Variants in INPP4B observed in about 807,000 individuals in gnomAD.
INPP4B encodes the protein inositol polyphosphate 4-phosphatase type II.
Under a neutral mutation model 122.5 loss-of-function variants are expected in INPP4B, and 55 were observed. The ratio of observed to expected loss-of-function variants is 0.45; its 90% CI spans 0.36 to 0.56. INPP4B has a LOEUF of 0.56. INPP4B is among the 20% of genes least tolerant of loss of function. INPP4B has a pLI of 0.00. For missense variants in INPP4B, 1,000 were observed against 1,097.7 expected (o/e 0.91, Z 1.26); for synonymous variants, 403 against 388.7 (o/e 1.04, Z -0.43).
intron 2 of INPP4B, among the ~76,000 whole-genome samples, chr4:142,704,115 G>C (rs1762166150): frequency 6.6e-6 from 1 of 152,158 alleles, no homozygotes; most frequent in Non-Finnish European, 1.5e-5. Context: ...CAACGGGATG[G>C]CAAGATAAGG....
At position 142,208,973 on chromosome 4, in the gene INPP4B, C is replaced by T. The variant is rs769344936; in HGVS notation, c.890G>A (p.Arg297Gln). The change falls in exon 13 of 26, where the codon CGA becomes CAA. Residue 297 changes from arginine to glutamine, a missense_variant. By Grantham distance (43) the Arg-to-Gln change is conservative. Transcript: ENST00000262992. Reference sequence around the variant, plus strand: ...ATCACAGTGAGTAAGGACATTTTTTCGCAGATTGTCCCAATGTGGAGAAAG... The same window carrying T: ...ATCACAGTGAGTAAGGACATTTTTTTGCAGATTGTCCCAATGTGGAGAAAG... ...GELSPHWDNL[R>Q]KNVLTHCDQM... 5.6e-6 allele frequency: 9 copies of T among 1,605,308 alleles called. No individual in the cohort carries two copies. The highest frequency in any genetic ancestry group is 1.7e-4 in the Middle Eastern group (1 of 6,010).
intron 1 of INPP4B, among the ~76,000 whole-genome samples, chr4:142,786,440 TA>T (rs1274981464): frequency 6.6e-5 from 10 of 152,096 alleles, no homozygotes; most frequent in Non-Finnish European, 1.5e-5. Context: ...AATGACTTAA[TA>T]AATTAATAAA....
chr4:142,506,442 G>A (rs1824034594), intron 2 of INPP4B, among the ~76,000 whole-genome samples: 1 of 152,138 alleles, frequency 6.6e-6, no homozygotes, highest in African/African-American at 2.4e-5. Context: ...GAAGAAAGAA[G>A]GGTTAGGCTT....
chr4:142,185,757 T>C (rs1298583526), intron 15 of INPP4B, among the ~76,000 whole-genome samples: 2 of 151,670 alleles, frequency 1.3e-5, no homozygotes, highest in Non-Finnish European at 2.9e-5. Flanking sequence ...CAGGTGCCTG[T>C]AGTCCCAGCT....
chr4:142,129,269 C>G (rs1320821214), intron 18 of INPP4B, among the ~76,000 whole-genome samples: 1 of 152,066 alleles, frequency 6.6e-6, no homozygotes, highest in African/African-American at 2.4e-5. Flanking sequence ...CCAGGTAGTA[C>G]AGAAATGGTG....
chr4:142,150,886 A>G (rs77293249), intron 17 of INPP4B, among the ~76,000 whole-genome samples: 1 of 152,148 alleles, frequency 6.6e-6, no homozygotes, highest in African/African-American at 2.4e-5. Context: ...TAGCTGACCA[A>G]CTTTTTCTAA....
At chr4:142,209,135 C>T in intron 12 of INPP4B, 109 bp from the exon 13 acceptor site, 1 of 737,334 alleles carries the variant, frequency 1.4e-6, no homozygotes, top group Non-Finnish European at 2.0e-6. Context: ...ATCCTAATTC[C>T]CAGGAAAGTT....
At chr4:142,610,639 G>A (rs1276116251) in intron 2 of INPP4B, among the ~76,000 whole-genome samples, 1 of 152,040 alleles carries the variant, frequency 6.6e-6, no homozygotes, top group Non-Finnish European at 1.5e-5. Flanking sequence ...TAGTTGTGTG[G>A]TATTAGAAAA....
chr4:142,199,371 C>CACACACACAAAGATGCACAT (rs1839735150), intron 14 of INPP4B, among the ~76,000 whole-genome samples: 1 of 151,966 alleles, frequency 6.6e-6, no homozygotes, highest in African/African-American at 2.4e-5. Flanking sequence ...TGCACATGTA[C>CACACACACAAAGATGCACAT]ACACACATCT....
chr4:142,127,844 A>G (rs557913182), intron 18 of INPP4B, among the ~76,000 whole-genome samples: 1 of 152,240 alleles, frequency 6.6e-6, no homozygotes, highest in African/African-American at 2.4e-5. Context: ...GAAAATTCCA[A>G]TGCCAATGAC....
At chr4:142,672,593 A>T (rs1211394352) in intron 2 of INPP4B, among the ~76,000 whole-genome samples, 1 of 151,940 alleles carries the variant, frequency 6.6e-6, no homozygotes, top group Non-Finnish European at 1.5e-5. Flanking sequence ...GTTTCTTTAT[A>T]TTCAGTTATT....
At chr4:142,334,146 G>T (rs1775695504) in intron 7 of INPP4B, among the ~76,000 whole-genome samples, 1 of 152,116 alleles carries the variant, frequency 6.6e-6, no homozygotes, top group African/African-American at 2.4e-5. Context: ...TTAGCATAAT[G>T]CCCTCAAGGT....
intron 2 of INPP4B, among the ~76,000 whole-genome samples, chr4:142,520,752 C>T (rs141834911): frequency 6.6e-6 from 1 of 151,802 alleles, no homozygotes; most frequent in Non-Finnish European, 1.5e-5. Flanking sequence ...ATTTTATCTA[C>T]TACCCATATA....
At chr4:142,152,652 G>A (rs1442754180) in intron 17 of INPP4B, among the ~76,000 whole-genome samples, 1 of 151,984 alleles carries the variant, frequency 6.6e-6, no homozygotes, top group Non-Finnish European at 1.5e-5. Flanking sequence ...AGAGTGCAGT[G>A]GGGTGATCAT....
intron 15 of INPP4B, among the ~76,000 whole-genome samples, chr4:142,177,257 T>C (rs1382205945): frequency 2.4e-4 from 1 of 4,146 alleles, no homozygotes; most frequent in African/African-American, 3.0e-4. Flanking sequence ...AATAGTATGG[T>C]ATGGAAAAAA....
chr4:142,402,832 A>G (rs2149159153), intron 7 of INPP4B, 106 bp downstream of exon 7: 2 of 733,978 alleles, frequency 2.7e-6, no homozygotes, highest in South Asian at 1.5e-5. Flanking sequence ...ACAATCATGA[A>G]CACGGTGCAA....
chr4:142,508,696 T>C (rs1329071087), intron 2 of INPP4B, among the ~76,000 whole-genome samples: 2 of 152,206 alleles, frequency 1.3e-5, no homozygotes, highest in African/African-American at 2.4e-5. Context: ...TTAGGCAAAA[T>C]TATCCAATAG....
intron 1 of INPP4B, among the ~76,000 whole-genome samples, chr4:142,817,186 G>T (rs1472861652): frequency 1.3e-5 from 2 of 152,066 alleles, no homozygotes; most frequent in African/African-American, 4.8e-5. Flanking sequence ...GTTCCTCAGT[G>T]GTTGATAAGC....
At chr4:142,835,229 A>G (rs555278411) in intron 1 of INPP4B, among the ~76,000 whole-genome samples, 1 of 152,266 alleles carries the variant, frequency 6.6e-6, no homozygotes, top group South Asian at 2.1e-4. Flanking sequence ...GCCTCCACAC[A>G]ATATTTATCC....
Sources: allele counts gnomAD v4.1 joint callset (sites outside exome capture counted in the v4.1 genomes callset), GRCh38; gene constraint gnomAD v4.1.1; transcripts MANE v1.5; gene names NCBI Gene and HGNC (gene_info 2026-07-23, HGNC 2026-07-21).